The following KCNJ5 variants were observed in gnomAD, a reference collection of about 807,000 sequenced individuals.
KCNJ5 encodes the protein G protein-activated inward rectifier potassium channel 4.
KCNJ5 carries 12 observed loss-of-function variants against 20.2 expected under a neutral mutation model. The observed-to-expected ratio is 0.59, with a 90% CI of 0.38 to 0.96. The LOEUF is 0.96. Ranked by LOEUF, KCNJ5 falls within the 40% of genes least tolerant of loss-of-function variation. The pLI is 0.00. For missense variants in KCNJ5, 449 were observed against 557.6 expected (o/e 0.81, Z 1.96); for synonymous variants, 210 against 213.9 (o/e 0.98, Z 0.16).
chr11:128,902,229 G>T, intron 1 of KCNJ5: 1 of 389,086 alleles, frequency 2.6e-6, no homozygotes, highest in Non-Finnish European at 4.7e-6. Context: ...TGCCCTCACC[G>T]CTGGTAATCA....
chr11:128,901,410 TC>T (rs1944273450), intron 1 of KCNJ5: 1 of 152,306 alleles, frequency 6.6e-6, no homozygotes, highest in Non-Finnish European at 1.5e-5. Context: ...ACACTTCACT[TC>T]CAGAGCTGTT....
chr11:128,915,233 T>C (rs550592452), intron 2 of KCNJ5, among the ~76,000 whole-genome samples: 1 of 152,338 alleles, frequency 6.6e-6, no homozygotes, highest in African/African-American at 2.4e-5. Context: ...TAAACAAAGC[T>C]GCCCTCCTCT....
intron 1 of KCNJ5, among the ~76,000 whole-genome samples, chr11:128,892,426 C>T (rs1944108998): frequency 6.6e-6 from 1 of 152,138 alleles, no homozygotes; most frequent in African/African-American, 2.4e-5. Flanking sequence ...GGCTCTCCAA[C>T]CCCAGGGGCT....
intron 1 of KCNJ5, among the ~76,000 whole-genome samples, chr11:128,902,922 C>T (rs370903287): frequency 2.9e-3 from 441 of 152,148 alleles, no homozygotes; most frequent in South Asian, 6.4e-3. Context: ...CTCACTTTTT[C>T]AAAAATTGTT....
At chr11:128,904,336 C>T in intron 1 of KCNJ5, 2 of 1,533,478 alleles carry the variant, frequency 1.3e-6, no homozygotes, top group Non-Finnish European at 1.8e-6. Flanking sequence ...CTCTCTCACT[C>T]TCTACTGCAC....
At chr11:128,903,047 A>G (rs1944318331) in intron 1 of KCNJ5, among the ~76,000 whole-genome samples, 1 of 152,196 alleles carries the variant, frequency 6.6e-6, no homozygotes, top group Non-Finnish European at 1.5e-5. Flanking sequence ...TGGCAAGGCA[A>G]TAATGAACTA....
intron 2 of KCNJ5, among the ~76,000 whole-genome samples, chr11:128,912,721 G>C (rs1944522875): frequency 6.6e-6 from 1 of 152,180 alleles, no homozygotes. Context: ...ATGTCGGCCA[G>C]GTTGGTGTCG....
rs1355039204 is a variant in KCNJ5 at position 128,911,472 on chromosome 11, G to T, written c.199G>T (p.Val67Phe). The T allele has an allele frequency of 6.2e-7, 1 of 1,614,138 alleles. No homozygotes were observed. Among genetic ancestry groups the T allele is most frequent in the South Asian group, 1.1e-5 (1 of 91,094 alleles). Residue 67 changes from valine (V) to phenylalanine (F), a missense_variant, in exon 2 of 3, where the codon GTC becomes TTC. By Grantham distance (50) the Val-to-Phe change is conservative (BLOSUM62 -1). Around this residue, in one of 5 missense-constraint regions of KCNJ5, gnomAD observed 203 missense variants for 258.0 expected, o/e 0.79. Transcript: ENST00000529694. This position sits in a 1 kb window ranked among gnomAD's most constrained non-coding sequence, Gnocchi z 6.3. ...SGKCNVHHGNVQETYRYLSDL... is the reference protein window; with the variant it reads ...SGKCNVHHGNFQETYRYLSDL... ...CAAGTGCAACGTGCACCACGGCAAC[G>T]TCCAGGAGACCTACCGGTACCTGAG...
intron 1 of KCNJ5, among the ~76,000 whole-genome samples, chr11:128,898,152 ACAT>A (rs1404316355): frequency 2.0e-5 from 3 of 152,150 alleles, no homozygotes; most frequent in Admixed American, 6.5e-5. Context: ...TTCCCTTTTC[ACAT>A]AAGTTTTAGA....
At chr11:128,892,205 C>T (rs1315868792) in intron 1 of KCNJ5, among the ~76,000 whole-genome samples, 1 of 152,236 alleles carries the variant, frequency 6.6e-6, no homozygotes, top group African/African-American at 2.4e-5. Context: ...TTTCTGCCCC[C>T]CTCGCTGCCC....
intron 1 of KCNJ5, among the ~76,000 whole-genome samples, chr11:128,904,930 G>A (rs1273482898): frequency 6.6e-6 from 1 of 152,178 alleles, no homozygotes; most frequent in African/African-American, 2.4e-5. Context: ...AAAATGGTGC[G>A]GTTTTTAAAT....
At chr11:128,894,911 T>C (rs908675406) in intron 1 of KCNJ5, among the ~76,000 whole-genome samples, 1 of 152,224 alleles carries the variant, frequency 6.6e-6, no homozygotes, top group Non-Finnish European at 1.5e-5. Context: ...AGCTTTAATA[T>C]GTGACCCTGG....
intron 1 of KCNJ5, among the ~76,000 whole-genome samples, chr11:128,893,387 CAGGAGTTCA>C (rs1944123710): frequency 6.6e-6 from 1 of 151,152 alleles, no homozygotes; most frequent in Non-Finnish European, 1.5e-5. Context: ...TACTTGAGCC[CAGGAGTTCA>C]AGACCAACTG....
At chr11:128,914,090 A>G (rs7933444) in intron 2 of KCNJ5, among the ~76,000 whole-genome samples, 112,419 of 152,132 alleles carry the variant, frequency 0.74, 41,752 homozygotes, top group African/African-American at 0.78. Context: ...GGACTCAGGA[A>G]GGTTTCCCCC....
At chr11:128,905,520 C>G (rs1175893887) in intron 1 of KCNJ5, 1 of 152,320 alleles carries the variant, frequency 6.6e-6, no homozygotes, top group African/African-American at 2.4e-5. Context: ...CTCCCCTCCC[C>G]TGTCGCAGCC....
chr11:128,915,975 TG>T (rs201422819), intron 2 of KCNJ5, among the ~76,000 whole-genome samples: 12,588 of 116,888 alleles, frequency 0.11, 645 homozygotes, highest in East Asian at 0.26. Flanking sequence ...GATGGATGGA[TG>T]GATGGATGAT....
At position 128,911,383 on chromosome 11, in the gene KCNJ5, C is replaced by T. The variant is rs1944494966; in HGVS notation, c.110C>T (p.Thr37Ile). ...KQARDYVPIA[T>I]DRTRLLAEGK... ...GCCCGCGATTATGTCCCCATTGCCA[C>T]AGACCGTACGCGCCTGCTGGCCGAG... is the stretch of plus-strand genomic sequence containing the variant. Residue 37 changes from threonine to isoleucine, a missense_variant, in exon 2 of 3, where the codon ACA (threonine) becomes ATA (isoleucine). By Grantham distance (89) the Thr-to-Ile change is moderately conservative (BLOSUM62 -1). Around this residue, in one of 5 missense-constraint regions of KCNJ5, gnomAD observed 203 missense variants for 258.0 expected, o/e 0.79. Coordinates refer to ENST00000529694, the MANE Select transcript of KCNJ5 (RefSeq NM_000890.5). This position sits in a 1 kb window ranked among gnomAD's most constrained non-coding sequence, Gnocchi z 6.3. The T allele has an allele frequency of 6.2e-7, 1 of 1,614,250 alleles. No homozygotes were observed. The highest frequency in any genetic ancestry group is 8.5e-7 in the Non-Finnish European group (1 of 1,180,048).
intron 1 of KCNJ5, chr11:128,902,690 T>A: frequency 6.2e-7 from 1 of 1,611,898 alleles, no homozygotes; most frequent in South Asian, 1.1e-5. Flanking sequence ...TCCTGAGGAC[T>A]GACAGGTAAT....
At chr11:128,904,445 T>C in intron 1 of KCNJ5, 1 of 1,614,178 alleles carries the variant, frequency 6.2e-7, no homozygotes, top group Non-Finnish European at 8.5e-7. Context: ...TGGAGTCACC[T>C]GGGGCCAGAT....
Sources: gnomAD v4.1 joint callset for allele counts (sites outside exome capture counted in the v4.1 genomes callset) on GRCh38, gnomAD v4.1.1 for gene constraint, gnomAD v4.1.1 regional missense constraint, Gnocchi (gnomAD v3.1) non-coding constraint, MANE v1.5 for transcripts, NCBI Gene and HGNC (gene_info 2026-07-23, HGNC 2026-07-21) for gene names.